Variants in BAIAP2 observed in about 807,000 individuals in gnomAD.
BAIAP2 encodes BAR/IMD domain containing adaptor protein 2, also known as BAR/IMD domain-containing adapter protein 2.
Under a neutral mutation model 63.0 loss-of-function variants are expected in BAIAP2, and 18 were observed. The observed-to-expected ratio is 0.29, with a 90% CI of 0.20 to 0.42. BAIAP2 has a LOEUF of 0.42. BAIAP2 is among the 10% of genes least tolerant of loss of function. The pLI is 1.00. For synonymous variants in BAIAP2, 386 were observed against 307.6 expected, an observed-to-expected ratio of 1.25 and a Z score of -2.67; for missense variants, 610 against 734.3, an observed-to-expected ratio of 0.83 and a Z score of 1.96.
At chr17:81,064,078 G>T (rs2144579500) in intron 3 of BAIAP2, among the ~76,000 whole-genome samples, 1 of 152,380 alleles carries the variant, frequency 6.6e-6, no homozygotes, top group South Asian at 2.1e-4. Context: ...CTCTGGGTGT[G>T]GCCTTGTGGC....
intron 1 of BAIAP2, among the ~76,000 whole-genome samples, chr17:81,039,523 C>T (rs1351891298): frequency 6.6e-6 from 1 of 152,196 alleles, no homozygotes; most frequent in Admixed American, 6.5e-5. Flanking sequence ...CCTGCCCGTG[C>T]CTGCTGTCCC....
chr17:81,065,067 CT>C (rs1309849929), intron 3 of BAIAP2, among the ~76,000 whole-genome samples: 6 of 152,198 alleles, frequency 3.9e-5, no homozygotes, highest in Admixed American at 3.3e-4. Flanking sequence ...CTCAAAGCCC[CT>C]GAGCCAGTGC....
intron 3 of BAIAP2, among the ~76,000 whole-genome samples, chr17:81,062,690 T>C (rs2050781250): frequency 6.9e-4 from 1 of 1,442 alleles, no homozygotes; most frequent in East Asian, 0.12. Flanking sequence ...TTTCTTTCCT[T>C]TTTTTTTTTT....
At chr17:81,103,127 C>T (rs894873952) in intron 7 of BAIAP2, among the ~76,000 whole-genome samples, 3 of 152,222 alleles carry the variant, frequency 2.0e-5, no homozygotes, top group African/African-American at 7.2e-5. Context: ...GCAGCACCAC[C>T]CCCTCCCCCG....
chr17:81,053,475 GA>G, intron 1 of BAIAP2, 192 bp from the exon 2 acceptor site: 1 of 621,686 alleles, frequency 1.6e-6, no homozygotes. Context: ...CGAGGCTCAG[GA>G]AGGTCATTTT....
intron 6 of BAIAP2, among the ~76,000 whole-genome samples, chr17:81,088,558 G>A (rs371068854): frequency 6.6e-5 from 10 of 152,338 alleles, no homozygotes; most frequent in South Asian, 4.1e-4. Context: ...ATTGGCCTCC[G>A]TAGACTTGCC....
intron 13 of BAIAP2, among the ~76,000 whole-genome samples, chr17:81,113,516 G>C (rs1233914467): frequency 1.3e-5 from 2 of 152,228 alleles, no homozygotes; most frequent in African/African-American, 4.8e-5. Context: ...AGACAGCTGG[G>C]GGGTGGGGGC....
At chr17:81,042,630 G>C (rs1296032598) in intron 1 of BAIAP2, among the ~76,000 whole-genome samples, 1 of 152,190 alleles carries the variant, frequency 6.6e-6, no homozygotes, top group Non-Finnish European at 1.5e-5. Flanking sequence ...GGCTGCCCCA[G>C]TGGGAGTCGC....
At chr17:81,044,183 T>C (rs2047472438) in intron 1 of BAIAP2, among the ~76,000 whole-genome samples, 1 of 152,224 alleles carries the variant, frequency 6.6e-6, no homozygotes, top group Non-Finnish European at 1.5e-5. Context: ...GCCTCCCTGC[T>C]TGCTCAGCCA....
At chr17:81,088,602 A>G (rs928569371) in intron 6 of BAIAP2, among the ~76,000 whole-genome samples, 3 of 152,180 alleles carry the variant, frequency 2.0e-5, no homozygotes, top group Admixed American at 6.5e-5. Flanking sequence ...GGAATCCCAC[A>G]GTGTCCGGCC....
chr17:81,047,671 C>T (rs1326132544), intron 1 of BAIAP2, among the ~76,000 whole-genome samples: 1 of 150,814 alleles, frequency 6.6e-6, no homozygotes, highest in African/African-American at 2.5e-5. Context: ...AGCACACACA[C>T]AGGTCCATCT....
intron 6 of BAIAP2, among the ~76,000 whole-genome samples, chr17:81,089,966 G>A (rs2056430103): frequency 6.6e-6 from 1 of 152,202 alleles, no homozygotes. Flanking sequence ...CCCCTCCTGG[G>A]AGATGTGTGG....
chr17:81,073,838 A>G (rs1200674279), intron 3 of BAIAP2, among the ~76,000 whole-genome samples: 1 of 152,260 alleles, frequency 6.6e-6, no homozygotes, highest in Non-Finnish European at 1.5e-5. Context: ...AAAGATGCCC[A>G]GCGCCCCAGA....
intron 12 of BAIAP2, 159 bp downstream of exon 12, chr17:81,107,066 A>C: frequency 1.1e-6 from 1 of 896,698 alleles, no homozygotes; most frequent in Non-Finnish European, 1.6e-6. Flanking sequence ...GAATGTGTAC[A>C]CACCCCTGCT....
At chr17:81,104,236 C>CTACA (rs2058851685) in intron 9 of BAIAP2, 128 bp downstream of exon 9, 1 of 1,062,424 alleles carries the variant, frequency 9.4e-7, no homozygotes, top group African/African-American at 1.6e-5. Flanking sequence ...CCGTGTGTAC[C>CTACA]TACATGCATG....
intron 6 of BAIAP2, among the ~76,000 whole-genome samples, chr17:81,090,746 G>C (rs1036927628): frequency 6.6e-6 from 1 of 152,260 alleles, no homozygotes; most frequent in East Asian, 1.9e-4. Context: ...CCCGAGCTGC[G>C]GGGAGGCTGC....
chr17:81,109,769 G>A, intron 13 of BAIAP2: 5 of 985,472 alleles, frequency 5.1e-6, no homozygotes, highest in Non-Finnish European at 6.0e-6. Flanking sequence ...GCGCTGCCCA[G>A]CTGGCCGCAC....
chr17:81,041,541 C>T (rs1039682172), intron 1 of BAIAP2, among the ~76,000 whole-genome samples: 9 of 151,946 alleles, frequency 5.9e-5, no homozygotes, highest in African/African-American at 9.7e-5. Context: ...AGTGTTTTTT[C>T]GTTTTTTGTT....
intron 3 of BAIAP2, among the ~76,000 whole-genome samples, chr17:81,073,013 G>T (rs2052977160): frequency 6.6e-6 from 1 of 152,054 alleles, no homozygotes; most frequent in African/African-American, 2.4e-5. Context: ...CTGGGTATTG[G>T]GTGCCTGTCA....
Sources: allele counts gnomAD v4.1 joint callset (sites outside exome capture counted in the v4.1 genomes callset), GRCh38; gene constraint gnomAD v4.1.1; transcripts MANE v1.5; gene names NCBI Gene and HGNC (gene_info 2026-07-23, HGNC 2026-07-21).